GPR160: variants seen among roughly 807,000 people sequenced by gnomAD.
GPR160 encodes G protein-coupled receptor 160, also known as probable G protein-coupled receptor 160.
GPR160 carries 2 observed loss-of-function variants against 2.6 expected under a neutral mutation model. That is an observed-to-expected ratio of 0.77 (90% CI 0.32 to 2.44). The LOEUF (loss-of-function observed/expected upper bound fraction) is 2.44. Ranked by LOEUF, GPR160 falls within the 30% of genes most tolerant of loss-of-function variation. GPR160 has a pLI of 0.11. For synonymous variants in GPR160, 130 were observed against 132.2 expected (o/e 0.98, Z 0.12); for missense variants, 351 against 383.6 (o/e 0.91, Z 0.71).
chr3:170,062,127 A>G lies in GPR160; in HGVS notation c.-192-17647A>G, dbSNP rs574238290. 3 of 152,516 alleles carry G rather than the reference A, an allele frequency of 2.0e-5. No homozygotes were observed. The South Asian group carries it at 6.2e-4, about 32-fold the overall frequency. 9.4% of individuals were successfully genotyped at this position (152,516 alleles called of 1,614,324 possible). Reference sequence around the variant, plus strand: ...TGTCACTAAAAAGAAAATTTTCCTGAGGTGGGTGTGTCGGGCCCTACTGGG... The same window carrying G: ...TGTCACTAAAAAGAAAATTTTCCTGGGGTGGGTGTGTCGGGCCCTACTGGG... On this transcript the variant is annotated intron_variant, in intron 2 of 3. Transcript: ENST00000355897.
At chr3:170,075,197 C>T (rs1712792677) in intron 2 of GPR160, among the ~76,000 whole-genome samples, 1 of 152,170 alleles carries the variant, frequency 6.6e-6, no homozygotes, top group Admixed American at 6.5e-5. Flanking sequence ...CATTGCACTC[C>T]AGCCTGGGCA....
At chr3:170,082,973 G>GTTT (rs34311852) in intron 3 of GPR160, among the ~76,000 whole-genome samples, 45 of 136,408 alleles carry the variant, frequency 3.3e-4, no homozygotes, top group African/African-American at 9.3e-4. Context: ...CATTTTTGGG[G>GTTT]TTTTTTTTTT....
At chr3:170,057,941 A>G (rs1711726812) in intron 2 of GPR160, 1 of 152,226 alleles carries the variant, frequency 6.6e-6, no homozygotes, top group African/African-American at 2.4e-5. Flanking sequence ...ATACATGAAG[A>G]CATAGATATG....
At chr3:170,083,145 TTCA>T (rs1713223111) in intron 3 of GPR160, among the ~76,000 whole-genome samples, 1 of 152,030 alleles carries the variant, frequency 6.6e-6, no homozygotes, top group African/African-American at 2.4e-5. Context: ...TCTGACTTCT[TTCA>T]TCATCTTTTT....
chr3:170,045,443 A>AAAAAAAAAAC (rs1559981277), intron 2 of GPR160, among the ~76,000 whole-genome samples: 12 of 131,472 alleles, frequency 9.1e-5, no homozygotes, highest in African/African-American at 4.1e-4. Flanking sequence ...AAAAAAAAAA[A>AAAAAAAAAAC]AAAACCAATT....
In GPR160 at chr3:170,084,099, C is replaced by T; in HGVS notation, c.127C>T (p.Leu43=). The T allele has an allele frequency of 6.3e-7, 1 of 1,594,426 alleles. No homozygotes were observed. Residue 43 remains leucine, a synonymous_variant, in exon 4 of 4, where the codon CTA becomes TTA. Transcript: ENST00000355897. ...LGKILLNILT[L]GMRRKNTCQN... ...GAAAATATTATTAAATATCCTTACA[C>T]TAGGAATGAGAAGAAAAAACACCTG... is the stretch of plus-strand genomic sequence containing the variant.
intron 2 of GPR160, chr3:170,077,637 C>G (rs990853634): frequency 6.6e-6 from 1 of 152,206 alleles, no homozygotes; most frequent in Non-Finnish European, 1.5e-5. Context: ...CATGACTGCT[C>G]CCTGAAAGGA....
In GPR160 at chr3:170,084,188, C is replaced by T; in HGVS notation, c.216C>T (p.Asn72=). Residue 72 remains asparagine, a synonymous_variant, in exon 4 of 4, where the codon AAC becomes AAT. Coordinates refer to ENST00000355897, the MANE Select transcript of GPR160 (RefSeq NM_014373.3). ...LAFVDLLLLV[N]ISIILYFRDF... ...TCGTTGATCTTTTACTTTTGGTAAA[C>T]ATTTCCATTATATTGTATTTCAGGG... The T allele has an allele frequency of 1.9e-6, 3 of 1,589,468 alleles. No individual in the cohort carries two copies. In the Admixed American group the frequency reaches 5.4e-5, roughly 28 times the overall value.
intron 2 of GPR160, among the ~76,000 whole-genome samples, chr3:170,054,399 G>A (rs1046574068): frequency 6.6e-6 from 1 of 152,136 alleles, no homozygotes; most frequent in Non-Finnish European, 1.5e-5. Flanking sequence ...CAGGGGCTAA[G>A]AAAACATCAC....
intron 2 of GPR160, among the ~76,000 whole-genome samples, chr3:170,075,095 G>A (rs964158320): frequency 2.6e-5 from 4 of 152,100 alleles, no homozygotes; most frequent in Non-Finnish European, 5.9e-5. Flanking sequence ...AGGCATGGTG[G>A]TGTGTGCCTG....
intron 2 of GPR160, chr3:170,057,258 C>G (rs1711693938): frequency 6.6e-6 from 1 of 152,182 alleles, no homozygotes; most frequent in Non-Finnish European, 1.5e-5. Context: ...GCCTCTCCAG[C>G]AGGGGCAACC....
chr3:170,042,239 A>T (rs574877049), intron 2 of GPR160, among the ~76,000 whole-genome samples: 2 of 151,796 alleles, frequency 1.3e-5, no homozygotes, highest in East Asian at 3.9e-4. Flanking sequence ...TGAGACCTTG[A>T]CTCCACAAAA....
At chr3:170,082,622 G>T (rs1713191350) in intron 3 of GPR160, among the ~76,000 whole-genome samples, 1 of 152,024 alleles carries the variant, frequency 6.6e-6, no homozygotes, top group Admixed American at 6.6e-5. Flanking sequence ...TCGAGACAGG[G>T]TCTTGCTCTG....
At position 170,078,375 on chromosome 3, in the gene GPR160, C is replaced by G. The variant is rs117484321; in HGVS notation, c.-192-1399C>G. Among the ~76,000 whole-genome samples, 553 of 152,200 alleles carry G rather than the reference C, an allele frequency of 3.6e-3. 19 individuals carry two copies. In the East Asian group the frequency reaches 0.095, roughly 26 times the overall value. ...AGAGGAGACAGAGGTTTTCCCTGAG[C>G]CCCCTCCCCCAATAAACTGGAAAAA... is the stretch of plus-strand genomic sequence containing the variant. On this transcript the variant is annotated intron_variant, in intron 2 of 3. Transcript: ENST00000355897.
chr3:170,066,973 C>G lies in GPR160; in HGVS notation c.-192-12801C>G, dbSNP rs118129812. On this transcript the variant is annotated intron_variant, in intron 2 of 3. Coordinates refer to ENST00000355897, the MANE Select transcript of GPR160 (RefSeq NM_014373.3). ...TTTTGCCTATCCTTTATGAGGTAAA[C>G]AGTGTAGTTTAAATTTCTATTTTTT... 3.9e-3 allele frequency among the ~76,000 whole-genome samples: 588 copies of G among 152,214 alleles called. 18 individuals are homozygous for G. In the East Asian group the frequency reaches 0.094, roughly 24 times the overall value.
intron 2 of GPR160, among the ~76,000 whole-genome samples, chr3:170,070,645 G>C (rs1040495557): frequency 2.6e-5 from 4 of 152,204 alleles, no homozygotes; most frequent in Admixed American, 2.0e-4. Context: ...CAGTACTTAA[G>C]TTTAACAACT....
At position 170,066,142 on chromosome 3, in the gene GPR160, T is replaced by C. The variant is rs866855023; in HGVS notation, c.-192-13632T>C. On this transcript the variant is annotated intron_variant, in intron 2 of 3. Coordinates refer to ENST00000355897, the MANE Select transcript of GPR160 (RefSeq NM_014373.3). ...TCTTTTTCTTTTTCTTTTTTTTTTTTTTTTTTTTTTTTTTTTGTGACAGAG... is the reference window on the plus strand; with the variant it reads ...TCTTTTTCTTTTTCTTTTTTTTTTTCTTTTTTTTTTTTTTTTGTGACAGAG... Among the ~76,000 whole-genome samples the C allele has an allele frequency of 5.5e-3, 672 of 122,070 alleles. 17 individuals carry two copies. Among genetic ancestry groups the C allele is most frequent in the African/African-American group, 0.021 (648 of 31,184 alleles). The allele number at this position is 122,070 out of a possible 152,430, so 80.1% of individuals were successfully genotyped here. A position where few individuals can be genotyped will look rare whatever the true frequency, so the allele number is the denominator to read the frequency against.
intron 2 of GPR160, chr3:170,077,150 A>G (rs1712894360): frequency 6.6e-6 from 1 of 152,200 alleles, no homozygotes. Context: ...GGCTCACCAA[A>G]TACAGCTGCA....
At chr3:170,052,264 A>G (rs538009263) in intron 2 of GPR160, among the ~76,000 whole-genome samples, 2 of 152,336 alleles carry the variant, frequency 1.3e-5, no homozygotes, top group East Asian at 3.9e-4. Flanking sequence ...ATCTAGTAGT[A>G]GAAGTACTGG....
Sources: allele counts gnomAD v4.1 joint callset (sites outside exome capture counted in the v4.1 genomes callset), GRCh38; gene constraint gnomAD v4.1.1; transcripts MANE v1.5; gene names NCBI Gene and HGNC (gene_info 2026-07-23, HGNC 2026-07-21).